The following TMTC2 variants were observed in gnomAD, a reference collection of about 807,000 sequenced individuals.
The protein encoded by TMTC2 is transmembrane O-mannosyltransferase targeting cadherins 2.
TMTC2 carries 43 observed loss-of-function variants against 82.4 expected under a neutral mutation model. The ratio of observed to expected loss-of-function variants is 0.52; its 90% CI spans 0.41 to 0.67. TMTC2 has a LOEUF of 0.67. TMTC2 is among the 30% of genes least tolerant of loss of function. The pLI is 0.00. For synonymous variants in TMTC2, 408 were observed against 381.9 expected (o/e 1.07, Z -0.80); for missense variants, 919 against 1,012.4 (o/e 0.91, Z 1.25).
At chr12:82,742,419 A>G (rs914983035) in intron 1 of TMTC2, among the ~76,000 whole-genome samples, 1 of 152,076 alleles carries the variant, frequency 6.6e-6, no homozygotes, top group Non-Finnish European at 1.5e-5. Flanking sequence ...ACTATATGGT[A>G]GCTAGGAACA....
chr12:83,075,304 G>A (rs936991101), intron 11 of TMTC2, among the ~76,000 whole-genome samples: 3 of 152,140 alleles, frequency 2.0e-5, no homozygotes, highest in Non-Finnish European at 2.9e-5. Flanking sequence ...GATTGTTCTT[G>A]GAGTTGATCT....
intron 2 of TMTC2, among the ~76,000 whole-genome samples, chr12:82,873,347 T>C (rs1337070656): frequency 6.7e-6 from 1 of 149,034 alleles, no homozygotes; most frequent in Non-Finnish European, 1.5e-5. Context: ...CCCCTGTTTT[T>C]TCACTTGTGC....
chr12:82,752,661 G>A (rs1592900693), intron 1 of TMTC2, among the ~76,000 whole-genome samples: 1 of 151,448 alleles, frequency 6.6e-6, no homozygotes, highest in Non-Finnish European at 1.5e-5. Context: ...TCTTAAAATA[G>A]GCCTATATAG....
At chr12:83,127,078 T>A (rs1051059546) in intron 11 of TMTC2, among the ~76,000 whole-genome samples, 1 of 152,134 alleles carries the variant, frequency 6.6e-6, no homozygotes, top group African/African-American at 2.4e-5. Context: ...ATAGCTACTT[T>A]AAAAAGAGTG....
chr12:82,692,216 A>G (rs1646190234), intron 1 of TMTC2, among the ~76,000 whole-genome samples: 1 of 152,090 alleles, frequency 6.6e-6, no homozygotes, highest in South Asian at 2.1e-4. Flanking sequence ...ATACACACAT[A>G]CACACACACA....
intron 1 of TMTC2, among the ~76,000 whole-genome samples, chr12:82,850,592 C>CT (rs1213063440): frequency 1.3e-5 from 2 of 151,938 alleles, no homozygotes; most frequent in African/African-American, 4.8e-5. Context: ...GAACAAGGTC[C>CT]TCAAAAAGAT....
chr12:83,046,433 C>CT (rs1459202459), intron 9 of TMTC2, among the ~76,000 whole-genome samples: 1 of 152,158 alleles, frequency 6.6e-6, no homozygotes, highest in Non-Finnish European at 1.5e-5. Flanking sequence ...GCCTTGCTCT[C>CT]TATTTTAGTT....
intron 9 of TMTC2, among the ~76,000 whole-genome samples, chr12:83,035,484 C>T (rs1183926147): frequency 4.6e-5 from 7 of 152,040 alleles, no homozygotes; most frequent in African/African-American, 7.2e-5. Flanking sequence ...TCTAGTACTC[C>T]GATTTCTTGT....
chr12:82,809,391 C>T (rs1336116799), intron 1 of TMTC2, among the ~76,000 whole-genome samples: 6 of 151,942 alleles, frequency 3.9e-5, no homozygotes, highest in Non-Finnish European at 8.8e-5. Flanking sequence ...ATTTCCTTGA[C>T]TATACAGAAG....
At chr12:83,047,615 C>CT (rs1294086459) in intron 9 of TMTC2, among the ~76,000 whole-genome samples, 2 of 152,116 alleles carry the variant, frequency 1.3e-5, no homozygotes, top group Non-Finnish European at 2.9e-5. Flanking sequence ...ATCCAGATAT[C>CT]TAACTGATGT....
chr12:82,988,329 A>G (rs1047441829), intron 8 of TMTC2, among the ~76,000 whole-genome samples: 2 of 152,180 alleles, frequency 1.3e-5, no homozygotes, highest in Admixed American at 6.5e-5. Flanking sequence ...TCTGGCTTAC[A>G]TCAAAGAAAC....
chr12:82,982,988 T>TA (rs1878992236), intron 7 of TMTC2, among the ~76,000 whole-genome samples: 1 of 151,792 alleles, frequency 6.6e-6, no homozygotes, highest in African/African-American at 2.4e-5. Context: ...AAGCAACTAT[T>TA]ATAGAAATTG....
At chr12:82,919,687 A>C (rs914607679) in intron 3 of TMTC2, among the ~76,000 whole-genome samples, 1 of 152,214 alleles carries the variant, frequency 6.6e-6, no homozygotes, top group Non-Finnish European at 1.5e-5. Flanking sequence ...AGAAAGAGGA[A>C]AGAAGAAAAG....
chr12:83,128,822 G>A (rs1383478785), intron 11 of TMTC2, among the ~76,000 whole-genome samples: 4 of 152,158 alleles, frequency 2.6e-5, no homozygotes, highest in Non-Finnish European at 5.9e-5. Flanking sequence ...CAGATGTAGA[G>A]GGGAGACATG....
chr12:83,108,709 C>A (rs1375022456), intron 11 of TMTC2, among the ~76,000 whole-genome samples: 1 of 151,708 alleles, frequency 6.6e-6, no homozygotes, highest in East Asian at 1.9e-4. Context: ...GTGTGTTACT[C>A]AATTATTAGA....
intron 8 of TMTC2, among the ~76,000 whole-genome samples, chr12:82,993,046 A>G (rs6539697): frequency 0.87 from 132,615 of 152,048 alleles, 58,632 homozygotes; most frequent in East Asian, 1. Context: ...GTGCAGTGGC[A>G]CGATTTCGGC....
intron 7 of TMTC2, among the ~76,000 whole-genome samples, chr12:82,974,446 G>A (rs1372302241): frequency 6.6e-6 from 1 of 152,168 alleles, no homozygotes; most frequent in African/African-American, 2.4e-5. Context: ...ACATCAGTTA[G>A]ATGAAATAGA....
intron 2 of TMTC2, among the ~76,000 whole-genome samples, chr12:82,864,216 T>A (rs1463271201): frequency 5.9e-5 from 9 of 152,196 alleles, no homozygotes; most frequent in Admixed American, 1.3e-4. Flanking sequence ...GTATGTATAG[T>A]GATATCGGGG....
intron 1 of TMTC2, among the ~76,000 whole-genome samples, chr12:82,766,566 C>T (rs1050169233): frequency 6.6e-6 from 1 of 152,100 alleles, no homozygotes; most frequent in African/African-American, 2.4e-5. Context: ...TTTTATCTGC[C>T]CTTCCATAGT....
Sources: allele counts gnomAD v4.1 joint callset (sites outside exome capture counted in the v4.1 genomes callset), GRCh38; gene constraint gnomAD v4.1.1; transcripts MANE v1.5; gene names NCBI Gene and HGNC (gene_info 2026-07-23, HGNC 2026-07-21).